Variants in BZW2 observed in about 807,000 individuals in gnomAD.
The protein encoded by BZW2 is basic leucine zipper and W2 domains 2, also known as eIF5-mimic protein 1.
A neutral mutation model predicts 53.2 loss-of-function variants in BZW2; 23 were observed. The ratio of observed to expected loss-of-function variants is 0.43; its 90% CI spans 0.31 to 0.61. The LOEUF (loss-of-function observed/expected upper bound fraction) is 0.61, where lower values mean the gene tolerates loss of function less well. Ranked by LOEUF, BZW2 falls within the 20% of genes least tolerant of loss-of-function variation. BZW2 has a pLI of 0.09. For missense variants in BZW2, 409 were observed against 503.1 expected (o/e 0.81, Z 1.79); for synonymous variants, 227 against 186.4 (o/e 1.22, Z -1.77).
chr7:16,692,490 TGG>T (rs1783341352), intron 7 of BZW2, among the ~76,000 whole-genome samples: 1 of 152,102 alleles, frequency 6.6e-6, no homozygotes, highest in Non-Finnish European at 1.5e-5. Context: ...GGGCCAGGTG[TGG>T]TAGCTCACAC....
At chr7:16,691,593 C>T (rs181502904) in intron 7 of BZW2, among the ~76,000 whole-genome samples, 13 of 152,280 alleles carry the variant, frequency 8.5e-5, no homozygotes, top group African/African-American at 2.6e-4. Flanking sequence ...CACCTATGGA[C>T]GCTGCCATGC....
intron 11 of BZW2, among the ~76,000 whole-genome samples, chr7:16,705,828 G>A (rs1039706198): frequency 4.6e-5 from 7 of 150,602 alleles, no homozygotes; most frequent in African/African-American, 1.7e-4. Flanking sequence ...TCATTTATAG[G>A]TATTTGTATA....
intron 5 of BZW2, among the ~76,000 whole-genome samples, chr7:16,683,825 A>G (rs1783030823): frequency 6.6e-6 from 1 of 152,204 alleles, no homozygotes; most frequent in Admixed American, 6.5e-5. Flanking sequence ...ACCATAACAT[A>G]TACTTACTTC....
At position 16,694,985 on chromosome 7, in the gene BZW2, A is replaced by G. The variant is rs751222719; in HGVS notation, c.803A>G (p.Gln268Arg). 2.0e-4 allele frequency: 320 copies of G among 1,582,780 alleles called. No individual in the cohort carries two copies. Among genetic ancestry groups the G allele is most frequent in the Non-Finnish European group, 2.6e-4 (304 of 1,155,802 alleles). Reference sequence around the variant, plus strand: ...AAGGAGCTCCAGGAGCGTCTTTCTCAGGAATGCCCGATCAAGGAGGTGGGA... The same window carrying G: ...AAGGAGCTCCAGGAGCGTCTTTCTCGGGAATGCCCGATCAAGGAGGTGGGA... Reference protein sequence around the residue: ...LQKELQERLSQECPIKEVVLY... With the variant: ...LQKELQERLSRECPIKEVVLY... The change falls in exon 8 of 12, where the codon CAG (glutamine) becomes CGG (arginine). Residue 268 changes from glutamine (Q) to arginine (R), a missense_variant. Around this residue, in one of 3 missense-constraint regions of BZW2, gnomAD observed 316 missense variants for 366.8 expected, o/e 0.86. Coordinates refer to ENST00000258761, the MANE Select transcript of BZW2 (RefSeq NM_014038.3).
intron 8 of BZW2, among the ~76,000 whole-genome samples, chr7:16,695,378 GT>G (rs1471037765): frequency 1.3e-5 from 2 of 152,156 alleles, no homozygotes; most frequent in Non-Finnish European, 2.9e-5. Context: ...TTTGTCTAGT[GT>G]TTGGAATTAA....
chr7:16,664,071 C>T (rs891547471), intron 1 of BZW2, among the ~76,000 whole-genome samples: 2 of 152,176 alleles, frequency 1.3e-5, no homozygotes, highest in Non-Finnish European at 2.9e-5. Context: ...AAGTACTTTA[C>T]ATTCTTTTAT....
intron 2 of BZW2, among the ~76,000 whole-genome samples, chr7:16,669,194 C>T (rs191946032): frequency 4.6e-5 from 7 of 152,344 alleles, no homozygotes; most frequent in Non-Finnish European, 8.8e-5. Context: ...GGCGCAATCT[C>T]AGCTCACTGC....
At chr7:16,678,691 G>C (rs567040040) in intron 3 of BZW2, among the ~76,000 whole-genome samples, 1 of 152,242 alleles carries the variant, frequency 6.6e-6, no homozygotes, top group East Asian at 1.9e-4. Flanking sequence ...CATTATCTAA[G>C]TTTGTTCCAT....
intron 6 of BZW2, 152 bp from the exon 7 acceptor site, chr7:16,689,645 G>A (rs1407546890): frequency 2.1e-6 from 1 of 486,844 alleles, no homozygotes. Flanking sequence ...AATGAGAAGA[G>A]GAGAATTTGC....
At chr7:16,681,883 G>A (rs1316989318) in intron 4 of BZW2, among the ~76,000 whole-genome samples, 2 of 152,058 alleles carry the variant, frequency 1.3e-5, no homozygotes, top group Admixed American at 1.3e-4. Flanking sequence ...AACCTCTCTT[G>A]TGGGAATTTA....
At chr7:16,670,620 G>A (rs2128356715) in intron 2 of BZW2, among the ~76,000 whole-genome samples, 1 of 152,252 alleles carries the variant, frequency 6.6e-6, no homozygotes, top group South Asian at 2.1e-4. Flanking sequence ...TTGCCTGTTG[G>A]CTAGACCCTG....
At chr7:16,658,832 A>G (rs752725028) in intron 1 of BZW2, among the ~76,000 whole-genome samples, 1 of 151,838 alleles carries the variant, frequency 6.6e-6, no homozygotes, top group Non-Finnish European at 1.5e-5. Context: ...CCAAGATCGC[A>G]CCACTGCACT....
chr7:16,689,945 C>T (rs1192396315), intron 7 of BZW2, 39 bp downstream of exon 7: 1 of 1,515,308 alleles, frequency 6.6e-7, no homozygotes, highest in African/African-American at 1.4e-5. Flanking sequence ...TGTATGATGC[C>T]TTTCTTGGAG....
intron 2 of BZW2, among the ~76,000 whole-genome samples, chr7:16,666,883 G>A (rs1044277335): frequency 6.6e-6 from 1 of 152,086 alleles, no homozygotes; most frequent in Non-Finnish European, 1.5e-5. Context: ...CCAGAGTGAT[G>A]GGATTACAGG....
intron 1 of BZW2, among the ~76,000 whole-genome samples, chr7:16,657,357 A>G (rs1203074608): frequency 6.6e-6 from 1 of 152,218 alleles, no homozygotes; most frequent in East Asian, 1.9e-4. Context: ...GTATCTACAT[A>G]GCATGTCATT....
At chr7:16,658,901 T>C (rs1476393325) in intron 1 of BZW2, among the ~76,000 whole-genome samples, 1 of 148,622 alleles carries the variant, frequency 6.7e-6, no homozygotes, top group Non-Finnish European at 1.5e-5. Flanking sequence ...ATATATATAT[T>C]TATATGTTGC....
At chr7:16,654,435 T>C (rs574583317) in intron 1 of BZW2, among the ~76,000 whole-genome samples, 1 of 151,832 alleles carries the variant, frequency 6.6e-6, no homozygotes, top group Admixed American at 6.6e-5. Flanking sequence ...CAAATGCAAA[T>C]CATTTTTAAA....
rs760070448 is a variant in BZW2 at position 16,695,016 on chromosome 7, CG to C, written c.822+15del. 3 of 1,558,478 alleles carry C rather than the reference CG, an allele frequency of 1.9e-6. No individual in the cohort carries two copies. The highest frequency in any genetic ancestry group is 2.6e-6 in the Non-Finnish European group (3 of 1,139,780). On this transcript the variant is annotated intron_variant, in intron 8 of 11. Transcript: ENST00000258761. Reference sequence around the variant, plus strand: ...GCCCGATCAAGGAGGTGGGAGACCACGGGCAGACATCACCTCAATACACATG... The same window carrying C: ...GCCCGATCAAGGAGGTGGGAGACCACGGCAGACATCACCTCAATACACATG...
intron 1 of BZW2, among the ~76,000 whole-genome samples, chr7:16,652,111 C>T (rs1781995826): frequency 6.6e-6 from 1 of 152,114 alleles, no homozygotes; most frequent in South Asian, 2.1e-4. Flanking sequence ...ACTGTCTTAC[C>T]AATGCTAGAA....
Sources: gnomAD v4.1 joint callset for allele counts (sites outside exome capture counted in the v4.1 genomes callset) on GRCh38, gnomAD v4.1.1 for gene constraint, gnomAD v4.1.1 regional missense constraint, MANE v1.5 for transcripts, NCBI Gene and HGNC (gene_info 2026-07-23, HGNC 2026-07-21) for gene names.